NPSR1: variants seen among roughly 807,000 people sequenced by gnomAD.
The protein encoded by NPSR1 is neuropeptide S receptor.
A neutral mutation model predicts 46.9 loss-of-function variants in NPSR1; 48 were observed. The ratio of observed to expected loss-of-function variants is 1.02; its 90% CI spans 0.81 to 1.30. The LOEUF is 1.30. Ranked by LOEUF, NPSR1 falls within the 50% of genes most tolerant of loss-of-function variation. NPSR1 has a pLI of 0.00. For missense variants in NPSR1, 450 were observed against 449.5 expected, an observed-to-expected ratio of 1.00 and a Z score of -0.01; for synonymous variants, 176 against 168.1, an observed-to-expected ratio of 1.05 and a Z score of -0.36.
intron 8 of NPSR1, among the ~76,000 whole-genome samples, chr7:34,859,788 G>A (rs1160562392): frequency 6.6e-6 from 1 of 151,760 alleles, no homozygotes; most frequent in African/African-American, 2.4e-5. Flanking sequence ...GTAGAACATG[G>A]AAATCTGTAT....
intron 2 of NPSR1, among the ~76,000 whole-genome samples, chr7:34,759,582 A>C (rs1197044219): frequency 1.3e-5 from 2 of 152,132 alleles, no homozygotes; most frequent in Non-Finnish European, 2.9e-5. Flanking sequence ...TCCCAGCCCC[A>C]GGCCAGGAAT....
intron 2 of NPSR1, among the ~76,000 whole-genome samples, chr7:34,732,319 C>T (rs1784461984): frequency 6.6e-6 from 1 of 152,150 alleles, no homozygotes; most frequent in Non-Finnish European, 1.5e-5. Context: ...AGTGTACCTT[C>T]TGCAAGAGGG....
intron 2 of NPSR1, among the ~76,000 whole-genome samples, chr7:34,775,589 T>C (rs1786917413): frequency 6.6e-6 from 1 of 152,158 alleles, no homozygotes. Context: ...TAATTTCCAA[T>C]TTATTTACAA....
intron 2 of NPSR1, among the ~76,000 whole-genome samples, chr7:34,757,390 T>C (rs1188996556): frequency 1.3e-5 from 2 of 152,168 alleles, no homozygotes; most frequent in Non-Finnish European, 2.9e-5. Context: ...TTCAAAACAT[T>C]GCATTAAGTA....
chr7:34,757,805 C>G (rs1260926315), intron 2 of NPSR1, among the ~76,000 whole-genome samples: 2 of 152,204 alleles, frequency 1.3e-5, no homozygotes, highest in Non-Finnish European at 2.9e-5. Flanking sequence ...CCGATGCCTC[C>G]TCTGAGCTTT....
chr7:34,809,940 A>G (rs1408319532), intron 3 of NPSR1, among the ~76,000 whole-genome samples: 1 of 152,070 alleles, frequency 6.6e-6, no homozygotes, highest in African/African-American at 2.4e-5. Context: ...ATCCATGTCC[A>G]TCCATGTCCC....
chr7:34,780,771 T>C (rs1037395178), intron 3 of NPSR1, among the ~76,000 whole-genome samples: 1 of 152,142 alleles, frequency 6.6e-6, no homozygotes, highest in Non-Finnish European at 1.5e-5. Flanking sequence ...TCCCAAGAAA[T>C]TGCCATTATT....
At chr7:34,723,535 A>G (rs1783975685) in intron 2 of NPSR1, 1 of 151,600 alleles carries the variant, frequency 6.6e-6, no homozygotes, top group African/African-American at 2.4e-5. Context: ...ATAAATAAAT[A>G]AATAAATAAA....
intron 2 of NPSR1, among the ~76,000 whole-genome samples, chr7:34,775,838 T>C (rs1302569916): frequency 4.6e-5 from 7 of 152,112 alleles, no homozygotes; most frequent in Admixed American, 2.0e-4. Context: ...TTATTTAAAG[T>C]TTATCTTCTT....
At chr7:34,807,456 G>C (rs1788757259) in intron 3 of NPSR1, among the ~76,000 whole-genome samples, 1 of 151,898 alleles carries the variant, frequency 6.6e-6, no homozygotes, top group African/African-American at 2.4e-5. Flanking sequence ...ATATCCTATT[G>C]CCATCATGTG....
Position 34,727,925 on chromosome 7 carries a change from A to T in NPSR1, c.280+43241A>T, listed in dbSNP as rs985822884. The stretch of plus-strand genomic sequence containing the variant: ...ATAAAAGTGGAGGAAATGATTTTTT[A>T]AAAATCCCTGATGATAGGAAAGAGT... On this transcript the variant is annotated intron_variant, in intron 2 of 8. Transcript: ENST00000360581. 3.3e-5 allele frequency among the ~76,000 whole-genome samples: 5 copies of T among 152,126 alleles called. No individual in the cohort carries two copies. In the South Asian group the frequency reaches 6.2e-4, roughly 19 times the overall value.
At chr7:34,786,926 A>T (rs1252754516) in intron 3 of NPSR1, among the ~76,000 whole-genome samples, 1 of 152,078 alleles carries the variant, frequency 6.6e-6, no homozygotes, top group Non-Finnish European at 1.5e-5. Flanking sequence ...GATTAGTCTA[A>T]TTGTTAAGGG....
In NPSR1 at chr7:34,841,934, G is replaced by A. The variant is rs574731633; in HGVS notation, c.758-2962G>A. Among the ~76,000 whole-genome samples, 31 of 152,138 alleles carry A rather than the reference G, an allele frequency of 2.0e-4. 1 individual carries two copies. The South Asian group carries it at 6.4e-3, about 32-fold the overall frequency. ...CTGTCTTCTTTACTTGCAGCCCATG[G>A]GTATAATCTCACCCAGATCATTTTC... On this transcript the variant is annotated intron_variant, in intron 6 of 8. Coordinates refer to ENST00000360581, the MANE Select transcript of NPSR1 (RefSeq NM_207172.2).
downstream of NPSR1, among the ~76,000 whole-genome samples, chr7:34,854,955 A>G (rs1404181671): frequency 2.0e-5 from 3 of 152,190 alleles, no homozygotes; most frequent in African/African-American, 4.8e-5. Context: ...TGATCATGTT[A>G]TAATTATGCT....
At chr7:34,833,767 C>G (rs1332903006) in intron 5 of NPSR1, among the ~76,000 whole-genome samples, 2 of 152,148 alleles carry the variant, frequency 1.3e-5, no homozygotes, top group Admixed American at 1.3e-4. Flanking sequence ...GGGAGAGGCT[C>G]TTTTCCAAGC....
At chr7:34,746,183 A>G (rs1785195148) in intron 2 of NPSR1, among the ~76,000 whole-genome samples, 1 of 152,230 alleles carries the variant, frequency 6.6e-6, no homozygotes, top group Admixed American at 6.5e-5. Flanking sequence ...ATTATTTTCC[A>G]TGGAGCTTAA....
At chr7:34,791,728 T>C (rs1787892065) in intron 3 of NPSR1, among the ~76,000 whole-genome samples, 1 of 151,942 alleles carries the variant, frequency 6.6e-6, no homozygotes, top group African/African-American at 2.4e-5. Flanking sequence ...ATCACAAAAG[T>C]CCCAGAATTG....
chr7:34,745,667 C>A (rs1014623287), intron 2 of NPSR1, among the ~76,000 whole-genome samples: 1 of 152,130 alleles, frequency 6.6e-6, no homozygotes, highest in Non-Finnish European at 1.5e-5. Flanking sequence ...TATAGGTGTG[C>A]ACCACCAAGC....
At chr7:34,804,353 G>A (rs1788583212) in intron 3 of NPSR1, among the ~76,000 whole-genome samples, 4 of 152,034 alleles carry the variant, frequency 2.6e-5, no homozygotes, top group Non-Finnish European at 4.4e-5. Context: ...TTCCAGGCAT[G>A]AAAATCTGGT....
Sources: allele counts gnomAD v4.1 joint callset (sites outside exome capture counted in the v4.1 genomes callset), GRCh38; gene constraint gnomAD v4.1.1; transcripts MANE v1.5; gene names NCBI Gene and HGNC (gene_info 2026-07-23, HGNC 2026-07-21).